Variants in KCNIP4 observed in about 807,000 individuals in gnomAD.
KCNIP4 encodes the protein Kv channel-interacting protein 4.
In KCNIP4, 12 loss-of-function variants were observed where a neutral mutation model predicts 34.0. That is an observed-to-expected ratio of 0.35 (90% CI 0.23 to 0.57). The LOEUF (loss-of-function observed/expected upper bound fraction) is 0.57, where lower values mean the gene tolerates loss of function less well. KCNIP4 is among the 20% of genes least tolerant of loss of function. KCNIP4 has a pLI of 0.83. For synonymous variants in KCNIP4, 124 were observed against 102.2 expected, an observed-to-expected ratio of 1.21 and a Z score of -1.29; for missense variants, 238 against 311.7, an observed-to-expected ratio of 0.76 and a Z score of 1.78.
chr4:21,902,200 G>A (rs189157014), intron 1 of KCNIP4, among the ~76,000 whole-genome samples: 2 of 152,178 alleles, frequency 1.3e-5, no homozygotes, highest in East Asian at 3.9e-4. Flanking sequence ...TATAAGATCT[G>A]GGAGTTGAGG....
intron 1 of KCNIP4, among the ~76,000 whole-genome samples, chr4:21,477,313 C>T (rs181011085): frequency 6.6e-6 from 1 of 152,226 alleles, no homozygotes; most frequent in East Asian, 1.9e-4. Context: ...GACACCGAAG[C>T]TTAGTGTCTG....
chr4:21,691,614 G>A (rs1482436102), intron 1 of KCNIP4, among the ~76,000 whole-genome samples: 1 of 151,698 alleles, frequency 6.6e-6, no homozygotes, highest in Non-Finnish European at 1.5e-5. Context: ...GTACTTAAAC[G>A]AGGCACTGAT....
At chr4:21,790,969 CAAAAAAAAA>C (rs10560597) in intron 1 of KCNIP4, among the ~76,000 whole-genome samples, 12 of 89,670 alleles carry the variant, frequency 1.3e-4, no homozygotes, top group South Asian at 6.1e-4. Context: ...GCGCACTCCA[CAAAAAAAAA>C]AAAAAAAAAA....
chr4:21,658,919 G>A (rs908548026), intron 1 of KCNIP4, among the ~76,000 whole-genome samples: 2 of 152,110 alleles, frequency 1.3e-5, no homozygotes, highest in Non-Finnish European at 2.9e-5. Context: ...TCCAATAAGA[G>A]GTTGGTTTTG....
intron 1 of KCNIP4, among the ~76,000 whole-genome samples, chr4:21,599,470 G>GATA (rs34766545): frequency 0.69 from 104,038 of 151,522 alleles, 36,158 homozygotes; most frequent in East Asian, 0.9. Context: ...AGAAAAAAAT[G>GATA]ATAACTACCA....
intron 1 of KCNIP4, among the ~76,000 whole-genome samples, chr4:21,118,528 C>G (rs1286144403): frequency 1.3e-5 from 2 of 152,166 alleles, no homozygotes; most frequent in Non-Finnish European, 2.9e-5. Flanking sequence ...CCGTGTCTGC[C>G]TTTGAGTCTT....
rs541498211 is a variant in KCNIP4, at chr4:21,307,931, C to A, written c.62-425222G>T. On this transcript the variant is annotated intron_variant, in intron 1 of 8. Coordinates refer to ENST00000382152, the MANE Select transcript of KCNIP4 (RefSeq NM_025221.6). Reference sequence around the variant, plus strand: ...CAAGGAAGGCAGCCAAGAAGGTTGCCCTGCCCAAAATATCTTAAAATCACT... The same window carrying A: ...CAAGGAAGGCAGCCAAGAAGGTTGCACTGCCCAAAATATCTTAAAATCACT... 4.1e-4 allele frequency among the ~76,000 whole-genome samples: 62 copies of A among 152,244 alleles called. 1 individual carries two copies. The highest frequency in any genetic ancestry group is 7.4e-4 in the Non-Finnish European group (50 of 68,010).
intron 1 of KCNIP4, among the ~76,000 whole-genome samples, chr4:21,401,396 A>C (rs73249570): frequency 0.016 from 2,469 of 152,318 alleles, 22 homozygotes; most frequent in Admixed American, 0.025. Flanking sequence ...TCCGATGCCC[A>C]TGTACAATGG....
chr4:21,669,792 G>A (rs559831318), intron 1 of KCNIP4, among the ~76,000 whole-genome samples: 145 of 152,200 alleles, frequency 9.5e-4, no homozygotes, highest in African/African-American at 3.2e-3. Flanking sequence ...TGCTATGCAC[G>A]AGCTTTTCAT....
intron 1 of KCNIP4, among the ~76,000 whole-genome samples, chr4:21,879,346 G>A (rs1726326465): frequency 6.6e-6 from 1 of 152,182 alleles, no homozygotes; most frequent in Non-Finnish European, 1.5e-5. Context: ...TTTTGGCAGT[G>A]CTACTCACCC....
intron 1 of KCNIP4, among the ~76,000 whole-genome samples, chr4:21,707,141 A>G (rs1713340354): frequency 1.3e-5 from 2 of 152,186 alleles, no homozygotes; most frequent in Admixed American, 1.3e-4. Flanking sequence ...ACCACAAACC[A>G]TACGATAAAC....
chr4:21,177,885 A>ATATATAT (rs1560784838), intron 1 of KCNIP4, among the ~76,000 whole-genome samples: 1 of 145,896 alleles, frequency 6.9e-6, no homozygotes, highest in African/African-American at 2.6e-5. Context: ...TATAAAATAT[A>ATATATAT]ACATTTAAAA....
chr4:21,072,674 T>C (rs13435227), intron 1 of KCNIP4, among the ~76,000 whole-genome samples: 3,547 of 152,126 alleles, frequency 0.023, 126 homozygotes, highest in African/African-American at 0.08. Flanking sequence ...TCAATTTTGG[T>C]TTTTGTTGCC....
chr4:20,854,496 G>A (rs1721368400), intron 2 of KCNIP4, among the ~76,000 whole-genome samples: 1 of 152,208 alleles, frequency 6.6e-6, no homozygotes, highest in East Asian at 1.9e-4. Flanking sequence ...GCGGGGAAGA[G>A]TGGGAGACAG....
chr4:21,013,414 C>T (rs1448036495), intron 1 of KCNIP4, among the ~76,000 whole-genome samples: 2 of 152,088 alleles, frequency 1.3e-5, no homozygotes, highest in African/African-American at 4.8e-5. Context: ...TCATTACAGG[C>T]AGGGTTAAAT....
In KCNIP4 at chr4:21,910,220, C is replaced by T. The variant is rs574658917; in HGVS notation, c.61+38351G>A. ...GTCAGGTAATATCCAATCTTCTCTT[C>T]CAGCCAGCAGGACAGCCAGCTGGAG... On this transcript the variant is annotated intron_variant, in intron 1 of 8. Transcript: ENST00000382152. Among the ~76,000 whole-genome samples the T allele has an allele frequency of 8.5e-5, 13 of 152,202 alleles. No individual in the cohort carries two copies. In the South Asian group the frequency reaches 2.7e-3, roughly 32 times the overall value.
At chr4:21,709,833 C>T (rs996905562) in intron 1 of KCNIP4, among the ~76,000 whole-genome samples, 3 of 152,082 alleles carry the variant, frequency 2.0e-5, no homozygotes, top group African/African-American at 7.2e-5. Context: ...GTGAGTAATC[C>T]CTTTTGTGCT....
chr4:21,491,869 C>G (rs1732429505), intron 1 of KCNIP4, among the ~76,000 whole-genome samples: 1 of 152,048 alleles, frequency 6.6e-6, no homozygotes, highest in Non-Finnish European at 1.5e-5. Context: ...ATGAAAAACC[C>G]AGGGGAATAT....
intron 3 of KCNIP4, among the ~76,000 whole-genome samples, chr4:20,791,968 C>A (rs1712810904): frequency 6.6e-6 from 1 of 152,156 alleles, no homozygotes; most frequent in African/African-American, 2.4e-5. Flanking sequence ...CATATTGGAC[C>A]TACTAACCTC....
Sources: allele counts gnomAD v4.1 joint callset (sites outside exome capture counted in the v4.1 genomes callset), GRCh38; gene constraint gnomAD v4.1.1; transcripts MANE v1.5; gene names NCBI Gene and HGNC (gene_info 2026-07-23, HGNC 2026-07-21).